The following ANKRD54 variants were observed in gnomAD, a reference collection of about 807,000 sequenced individuals.
ANKRD54 encodes ankyrin repeat domain 54.
A neutral mutation model predicts 36.2 loss-of-function variants in ANKRD54; 26 were observed. That is an observed-to-expected ratio of 0.72 (90% CI 0.53 to 1.00). The LOEUF (loss-of-function observed/expected upper bound fraction) is 1.00, where lower values mean the gene tolerates loss of function less well. ANKRD54 is among the 50% of genes least tolerant of loss of function. The pLI, the probability that ANKRD54 is intolerant of heterozygous loss-of-function variation, is 0.00. For missense variants in ANKRD54, 384 were observed against 424.3 expected, an observed-to-expected ratio of 0.91 and a Z score of 0.83; for synonymous variants, 209 against 188.4, an observed-to-expected ratio of 1.11 and a Z score of -0.89.
chr22:37,846,115 C>T (rs1289668608), upstream of ANKRD54, among the ~76,000 whole-genome samples: 1 of 151,838 alleles, frequency 6.6e-6, no homozygotes, highest in Admixed American at 6.6e-5. Flanking sequence ...GCAGAGCTTG[C>T]GGTGAGCCGA....
chr22:37,843,829 A>G, intron 1 of ANKRD54, 82 bp downstream of exon 1: 1 of 1,055,086 alleles, frequency 9.5e-7, no homozygotes, highest in African/African-American at 1.7e-5. Context: ...GGGCGACCAA[A>G]GCGCGGCCAC....
At position 37,844,202 on chromosome 22, in the gene ANKRD54, G is replaced by T. The variant is rs1259680198; in HGVS notation, c.37C>A (p.Arg13Ser). The change falls in exon 1 of 8, where the codon CGC becomes AGC. Residue 13 changes from arginine (R) to serine (S), a missense_variant. By Grantham distance (110) the Arg-to-Ser change is moderately radical (BLOSUM62 -1). This residue lies in a region of ANKRD54 where 195 missense variants were observed against 177.7 expected (regional missense o/e 1.10). Coordinates refer to ENST00000215941, the MANE Select transcript of ANKRD54 (RefSeq NM_138797.4). Reference sequence around the variant, plus strand: ...CCCTCCGAGCTCGAGTGGCCTGAGCGCGGCTCGTCGTCCGCGTCCCCGGCG... The same window carrying T: ...CCCTCCGAGCTCGAGTGGCCTGAGCTCGGCTCGTCGTCCGCGTCCCCGGCG... Reference protein sequence around the residue: ...AAAGDADDEPRSGHSSSEGEC... With the variant: ...AAAGDADDEPSSGHSSSEGEC... 1 of 1,520,330 alleles carries T rather than the reference G, an allele frequency of 6.6e-7. No homozygotes were observed. The highest frequency in any genetic ancestry group is 8.7e-7 in the Non-Finnish European group (1 of 1,143,148). 94.2% of individuals were successfully genotyped at this position (1,520,330 alleles called of 1,614,324 possible).
intron 3 of ANKRD54, among the ~76,000 whole-genome samples, chr22:37,837,961 G>A (rs1403531987): frequency 2.0e-5 from 3 of 152,102 alleles, no homozygotes; most frequent in Non-Finnish European, 2.9e-5. Context: ...GTGAAACCCC[G>A]TCTCTACTAA....
chr22:37,843,903 C>A lies in ANKRD54; in HGVS notation c.328+8G>T. 8.2e-7 allele frequency: 1 copy of A among 1,226,418 alleles called. No homozygotes were observed. Among genetic ancestry groups the A allele is most frequent in the Non-Finnish European group, 1.0e-6 (1 of 985,982 alleles). The allele number at this position is 1,226,418 out of a possible 1,614,324, so 76.0% of individuals were successfully genotyped here. A position where few individuals can be genotyped will look rare whatever the true frequency, so the allele number is the denominator to read the frequency against. On this transcript the variant is annotated splice_region_variant and intron_variant, in intron 1 of 7. Transcript: ENST00000215941. Reference sequence around the variant, plus strand: ...GCCCCGGGCCCCCGCGCCGCTCGCGCCGCTCACCGTGCACCTCCTTGCCCG... The same window carrying A: ...GCCCCGGGCCCCCGCGCCGCTCGCGACGCTCACCGTGCACCTCCTTGCCCG...
intron 2 of ANKRD54, among the ~76,000 whole-genome samples, chr22:37,839,391 G>C (rs1923944168): frequency 6.6e-6 from 1 of 151,692 alleles, no homozygotes; most frequent in East Asian, 1.9e-4. Flanking sequence ...TTTTTCTTAT[G>C]TTATTTATTT....
upstream of ANKRD54, chr22:37,849,291 T>C (rs1168454796): frequency 1.1e-6 from 1 of 882,864 alleles, no homozygotes; most frequent in Non-Finnish European, 1.9e-6. Flanking sequence ...GGAACGCGGC[T>C]CCTCTTCCTT....
intron 1 of ANKRD54, among the ~76,000 whole-genome samples, chr22:37,842,226 C>T (rs1924364596): frequency 6.6e-6 from 1 of 152,152 alleles, no homozygotes; most frequent in Non-Finnish European, 1.5e-5. Context: ...TGCACTGCAG[C>T]CTGGGTGGTA....
At chr22:37,844,790 G>T (rs1359088960), upstream of ANKRD54, among the ~76,000 whole-genome samples, 5 of 152,016 alleles carry the variant, frequency 3.3e-5, no homozygotes, top group Admixed American at 2.6e-4. Flanking sequence ...GGATGGTCTC[G>T]ATCTCTTGAT....
Position 37,832,742 on chromosome 22 carries a change from G to C in ANKRD54, c.723C>G (p.Ile241Met). The change falls in exon 7 of 8, where the codon ATC (isoleucine) becomes ATG (methionine). Residue 241 changes from isoleucine (I) to methionine (M), a missense_variant and splice_region_variant. Physicochemically the swap from Ile to Met is conservative, Grantham distance 10. Coordinates refer to ENST00000215941, the MANE Select transcript of ANKRD54 (RefSeq NM_138797.4). ...CCAGATACTCCCTCAGCATATGGAT[G>C]ATCTGGAACAAGAGGGTGAGCTGAG... Reference protein sequence around the residue: ...LEAVRLEVKQIIHMLREYLER... With the variant: ...LEAVRLEVKQMIHMLREYLER... The C allele has an allele frequency of 6.2e-7, 1 of 1,614,092 alleles. No homozygotes were observed. Among genetic ancestry groups the C allele is most frequent in the Non-Finnish European group, 8.5e-7 (1 of 1,179,960 alleles).
intron 2 of ANKRD54, among the ~76,000 whole-genome samples, chr22:37,839,212 C>T (rs1923917038): frequency 6.6e-6 from 1 of 151,826 alleles, no homozygotes; most frequent in Admixed American, 6.6e-5. Context: ...ATTATGCAGG[C>T]TACAGCATGT....
intron 7 of ANKRD54, 70 bp downstream of exon 7, chr22:37,832,567 A>T: frequency 7.1e-7 from 1 of 1,416,906 alleles, no homozygotes; most frequent in Non-Finnish European, 9.9e-7. Context: ...GTCTGGTGGC[A>T]TCGGAGCAGG....
At chr22:37,842,340 A>C (rs748816142) in intron 1 of ANKRD54, among the ~76,000 whole-genome samples, 26 of 152,236 alleles carry the variant, frequency 1.7e-4, no homozygotes, top group Non-Finnish European at 3.4e-4. Flanking sequence ...ATCCTCCTGC[A>C]AATCCTCCAA....
At chr22:37,836,240 A>G (rs1265309919) in intron 3 of ANKRD54, among the ~76,000 whole-genome samples, 1 of 150,386 alleles carries the variant, frequency 6.6e-6, no homozygotes, top group Non-Finnish European at 1.5e-5. Flanking sequence ...TGAGGTCAGG[A>G]GTTCGAGACC....
intron 1 of ANKRD54, among the ~76,000 whole-genome samples, chr22:37,840,796 A>T (rs1450450954): frequency 2.0e-5 from 3 of 149,970 alleles, no homozygotes; most frequent in Admixed American, 2.0e-4. Flanking sequence ...CTGAGGTAGG[A>T]GAATCACTTG....
intron 1 of ANKRD54, among the ~76,000 whole-genome samples, chr22:37,840,648 G>C (rs981258866): frequency 3.9e-5 from 6 of 151,904 alleles, no homozygotes. Context: ...CACTTTGGGA[G>C]GCCGAGGCAG....
chr22:37,840,956 C>T (rs1034149077), intron 1 of ANKRD54, among the ~76,000 whole-genome samples: 2 of 151,880 alleles, frequency 1.3e-5, no homozygotes, highest in African/African-American at 2.4e-5. Context: ...GTGGTGTGCA[C>T]GTGTAACACC....
At chr22:37,833,878 T>C in intron 3 of ANKRD54, 123 bp from the exon 4 acceptor site, 5 of 798,454 alleles carry the variant, frequency 6.3e-6, no homozygotes, top group Admixed American at 2.2e-5. Context: ...TGGATGGCTG[T>C]GTTACTTCAT....
At chr22:37,847,485 C>G (rs1164535588), upstream of ANKRD54, among the ~76,000 whole-genome samples, 1 of 152,044 alleles carries the variant, frequency 6.6e-6, no homozygotes, top group Non-Finnish European at 1.5e-5. Flanking sequence ...ATTATTTAAA[C>G]TAGAAACTAA....
In ANKRD54 at chr22:37,832,714, G is replaced by A. The variant is rs779528007; in HGVS notation, c.751C>T (p.Arg251Cys). Residue 251 changes from arginine (R) to cysteine (C), a missense_variant, in exon 7 of 8, where the codon CGC (arginine) becomes TGC (cysteine). Transcript: ENST00000215941. ...TCTCGCTGCTCATGTTGCCCTAGGC[G>A]CTCCAGATACTCCCTCAGCATATGG... is the stretch of plus-strand genomic sequence containing the variant. ...IIHMLREYLE[R>C]LGQHEQRERL... The A allele has an allele frequency of 1.6e-5, 26 of 1,614,172 alleles. No homozygotes were observed. The Middle Eastern group carries it at 4.9e-4, about 31-fold the overall frequency.
Sources: gnomAD v4.1 joint callset for allele counts (sites outside exome capture counted in the v4.1 genomes callset) on GRCh38, gnomAD v4.1.1 for gene constraint, gnomAD v4.1.1 regional missense constraint, MANE v1.5 for transcripts, NCBI Gene and HGNC (gene_info 2026-07-23, HGNC 2026-07-21) for gene names.